ANTXR1: variants seen among roughly 807,000 people sequenced by gnomAD.
ANTXR1 encodes ANTXR cell adhesion molecule 1, also known as anthrax toxin receptor 1.
Under a neutral mutation model 78.1 loss-of-function variants are expected in ANTXR1, and 19 were observed. That is an observed-to-expected ratio of 0.24 (90% CI 0.17 to 0.36). The LOEUF (loss-of-function observed/expected upper bound fraction) is 0.36, where lower values mean the gene tolerates loss of function less well. ANTXR1 is among the 10% of genes least tolerant of loss of function. The pLI is 1.00. For missense variants in ANTXR1, 518 were observed against 718.6 expected (o/e 0.72, Z 3.19); for synonymous variants, 273 against 260.5 (o/e 1.05, Z -0.46).
At chr2:69,098,918 G>A (rs868063374) in intron 9 of ANTXR1, among the ~76,000 whole-genome samples, 17 of 152,258 alleles carry the variant, frequency 1.1e-4, no homozygotes, top group Admixed American at 5.2e-4. Context: ...CTTAGGAGGC[G>A]GAGGTTGCAG....
chr2:69,245,133 C>T (rs1675984624), intron 17 of ANTXR1, 92 bp from the exon 18 acceptor site: 1 of 1,487,208 alleles, frequency 6.7e-7, no homozygotes. Context: ...GGCCAGCTTT[C>T]CACATATTGC....
chr2:69,054,264 G>A (rs1670007754), intron 3 of ANTXR1, among the ~76,000 whole-genome samples: 1 of 152,044 alleles, frequency 6.6e-6, no homozygotes, highest in East Asian at 1.9e-4. Flanking sequence ...CTATCCCAGT[G>A]TTCATATTCT....
intron 1 of ANTXR1, among the ~76,000 whole-genome samples, chr2:69,036,792 A>G (rs1250115107): frequency 6.6e-6 from 1 of 152,166 alleles, no homozygotes. Context: ...CATGTGGCAT[A>G]TCTTCTGAGG....
rs201707800 is a variant in ANTXR1 at position 69,093,508 on chromosome 2, A to G, written c.703+2589A>G. Among the ~76,000 whole-genome samples, 7 of 152,334 alleles carry G rather than the reference A, an allele frequency of 4.6e-5. No individual in the cohort carries two copies. The East Asian group carries it at 1.4e-3, about 29-fold the overall frequency. ...ACAAAAACAAAAATGACACAGAAAT[A>G]CCAGTGTCCACAGGATCTGATCATA... On this transcript the variant is annotated intron_variant, in intron 9 of 17. Transcript: ENST00000303714.
chr2:69,164,225 C>T (rs1322754540), intron 13 of ANTXR1, among the ~76,000 whole-genome samples: 3 of 152,086 alleles, frequency 2.0e-5, no homozygotes, highest in Admixed American at 6.6e-5. Context: ...CACAATTAAC[C>T]GTAAGGCCAA....
Position 69,102,890 on chromosome 2 carries a change from A to T in ANTXR1, c.752A>T (p.Asn251Ile), listed in dbSNP as rs1028687684. Residue 251 changes from asparagine (N) to isoleucine (I), a missense_variant, in exon 10 of 18, where the codon AAC becomes ATC. Physicochemically the swap from Asn to Ile is moderately radical, Grantham distance 149. This residue lies in a region of ANTXR1 where 264 missense variants were observed against 391.8 expected (regional missense o/e 0.67). Transcript: ENST00000303714. ...GGAAACGGCTTCCGACATGCCCGCA[A>T]CGTGGACAGGGTCCTCTGCAGCTTC... is the stretch of plus-strand genomic sequence containing the variant. ...VRGNGFRHARNVDRVLCSFKI... is the reference protein window; with the variant it reads ...VRGNGFRHARIVDRVLCSFKI... 6.2e-7 allele frequency: 1 copy of T among 1,614,080 alleles called. No individual in the cohort carries two copies. Among genetic ancestry groups the T allele is most frequent in the African/African-American group, 1.3e-5 (1 of 74,952 alleles).
At chr2:69,120,068 C>T (rs902349235) in intron 10 of ANTXR1, among the ~76,000 whole-genome samples, 2 of 152,298 alleles carry the variant, frequency 1.3e-5, no homozygotes, top group South Asian at 2.1e-4. Context: ...ATTTAATACA[C>T]CTAACTTCCC....
intron 12 of ANTXR1, among the ~76,000 whole-genome samples, chr2:69,132,416 A>G (rs1044923145): frequency 1.3e-5 from 2 of 152,204 alleles, no homozygotes; most frequent in Non-Finnish European, 2.9e-5. Context: ...CTTTAAAGCG[A>G]TGAGAGAATA....
At chr2:69,193,276 C>CA (rs1164042723) in intron 16 of ANTXR1, 59 bp from the exon 17 acceptor site, 1 of 1,492,334 alleles carries the variant, frequency 6.7e-7, no homozygotes, top group African/African-American at 1.4e-5. Context: ...TGTGAGCCTA[C>CA]GGCGGCTAGC....
chr2:69,132,971 C>T (rs1326991990), intron 12 of ANTXR1, among the ~76,000 whole-genome samples: 2 of 152,018 alleles, frequency 1.3e-5, no homozygotes, highest in African/African-American at 4.8e-5. Flanking sequence ...ACACAGGTAC[C>T]CTAAAATTCC....
intron 1 of ANTXR1, among the ~76,000 whole-genome samples, chr2:69,032,586 G>A (rs1190716548): frequency 6.6e-6 from 1 of 152,176 alleles, no homozygotes; most frequent in Non-Finnish European, 1.5e-5. Flanking sequence ...TGAATCTGGC[G>A]AGTGTGAGGA....
intron 12 of ANTXR1, among the ~76,000 whole-genome samples, chr2:69,131,335 C>T (rs1020942619): frequency 2.6e-5 from 4 of 152,182 alleles, no homozygotes; most frequent in Non-Finnish European, 5.9e-5. Flanking sequence ...CCTTCACTTC[C>T]TCCTCTCATG....
chr2:69,063,925 A>G (rs1436968009), intron 3 of ANTXR1, among the ~76,000 whole-genome samples: 1 of 151,984 alleles, frequency 6.6e-6, no homozygotes, highest in African/African-American at 2.4e-5. Flanking sequence ...TTATGTTTTT[A>G]AAAGCTAATA....
intron 4 of ANTXR1, 97 bp downstream of exon 4, chr2:69,070,825 T>C: frequency 9.2e-7 from 1 of 1,087,764 alleles, no homozygotes; most frequent in Non-Finnish European, 1.4e-6. Flanking sequence ...TTAAGAGGGC[T>C]GACTAGCACC....
At chr2:69,125,544 C>T (rs959382554) in intron 12 of ANTXR1, among the ~76,000 whole-genome samples, 3 of 152,146 alleles carry the variant, frequency 2.0e-5, no homozygotes, top group African/African-American at 7.2e-5. Context: ...TAGCTTGTGT[C>T]AAGACCTCAA....
intron 14 of ANTXR1, among the ~76,000 whole-genome samples, chr2:69,175,528 G>A (rs1674098175): frequency 6.6e-6 from 1 of 152,164 alleles, no homozygotes. Flanking sequence ...GGAGGCTGAG[G>A]CTGGAGGGTC....
intron 17 of ANTXR1, among the ~76,000 whole-genome samples, chr2:69,225,816 A>G (rs2104515573): frequency 6.6e-6 from 1 of 152,354 alleles, no homozygotes; most frequent in South Asian, 2.1e-4. Flanking sequence ...GTGCTATTCC[A>G]GAGCTTCTTT....
intron 16 of ANTXR1, among the ~76,000 whole-genome samples, chr2:69,186,028 C>T (rs11126225): frequency 0.52 from 78,375 of 151,952 alleles, 22,194 homozygotes; most frequent in East Asian, 0.84. Flanking sequence ...TTTGACCCCC[C>T]GCAGGCACCA....
intron 14 of ANTXR1, among the ~76,000 whole-genome samples, chr2:69,174,180 C>T (rs762268676): frequency 6.6e-6 from 1 of 152,136 alleles, no homozygotes; most frequent in Non-Finnish European, 1.5e-5. Flanking sequence ...TAGAATCTGA[C>T]TTGAGGGACA....
Sources: gnomAD v4.1 joint callset for allele counts (sites outside exome capture counted in the v4.1 genomes callset) on GRCh38, gnomAD v4.1.1 for gene constraint, gnomAD v4.1.1 regional missense constraint, MANE v1.5 for transcripts, NCBI Gene and HGNC (gene_info 2026-07-23, HGNC 2026-07-21) for gene names.